Variants in MCCC1 observed in about 807,000 individuals in gnomAD.
MCCC1 encodes methylcrotonoyl-CoA carboxylase subunit alpha, mitochondrial.
Under a neutral mutation model 83.8 loss-of-function variants are expected in MCCC1, and 64 were observed. The ratio of observed to expected loss-of-function variants is 0.76; its 90% CI spans 0.62 to 0.94. MCCC1 has a LOEUF of 0.94. Ranked by LOEUF, MCCC1 falls within the 40% of genes least tolerant of loss-of-function variation. The pLI, the probability that MCCC1 is intolerant of heterozygous loss-of-function variation, is 0.00. For missense variants in MCCC1, 807 were observed against 904.7 expected, an observed-to-expected ratio of 0.89 and a Z score of 1.39; for synonymous variants, 322 against 315.4, an observed-to-expected ratio of 1.02 and a Z score of -0.22.
chr3:183,072,314 C>G, intron 5 of MCCC1, 52 bp downstream of exon 5: 1 of 1,606,646 alleles, frequency 6.2e-7, no homozygotes, highest in Non-Finnish European at 8.5e-7. Flanking sequence ...CTGGCCCAAA[C>G]TATTTCAACT....
At chr3:183,097,301 T>C (rs1411725465) in intron 1 of MCCC1, among the ~76,000 whole-genome samples, 1 of 152,192 alleles carries the variant, frequency 6.6e-6, no homozygotes, top group African/African-American at 2.4e-5. Context: ...TACCAGCTTA[T>C]TGTCATGTCT....
chr3:183,073,758 T>C (rs1716866183), intron 4 of MCCC1, among the ~76,000 whole-genome samples: 1 of 152,242 alleles, frequency 6.6e-6, no homozygotes, highest in African/African-American at 2.4e-5. Context: ...CATACATATT[T>C]TTTTCTTTCC....
Position 183,094,561 on chromosome 3 carries a change from G to A in MCCC1, c.134C>T (p.Thr45Ile), listed in dbSNP as rs1410294013. The A allele has an allele frequency of 6.2e-7, 1 of 1,613,968 alleles. No homozygotes were observed. The highest frequency in any genetic ancestry group is 1.3e-5 in the African/African-American group (1 of 74,918). ...AGAACAACAAAGTCTGTCAGTACCTGTGGCTGTTGTGTACTTCATGGTTCT... is the reference window on the plus strand; with the variant it reads ...AGAACAACAAAGTCTGTCAGTACCTATGGCTGTTGTGTACTTCATGGTTCT... The part of the protein sequence containing the change: ...RQRTMKYTTA[T>I]GRNITKVLIA... Residue 45 changes from threonine (T) to isoleucine (I), a missense_variant and splice_region_variant, in exon 2 of 19, where the codon ACA becomes ATA. By Grantham distance (89) the Thr-to-Ile change is moderately conservative. Coordinates refer to ENST00000265594, the MANE Select transcript of MCCC1 (RefSeq NM_020166.5).
At chr3:183,058,618 G>A (rs1715604544) in intron 7 of MCCC1, among the ~76,000 whole-genome samples, 1 of 152,084 alleles carries the variant, frequency 6.6e-6, no homozygotes, top group Non-Finnish European at 1.5e-5. Context: ...GATAAAGTCA[G>A]ACCCCATCTC....
intron 9 of MCCC1, among the ~76,000 whole-genome samples, chr3:183,048,271 TATTA>T (rs1184280591): frequency 1.3e-5 from 2 of 152,244 alleles, no homozygotes; most frequent in South Asian, 4.1e-4. Context: ...ATATGGTAAA[TATTA>T]ATCAAAGTAC....
At chr3:183,023,716 T>C (rs1026216302) in intron 15 of MCCC1, among the ~76,000 whole-genome samples, 4 of 152,228 alleles carry the variant, frequency 2.6e-5, no homozygotes, top group African/African-American at 9.6e-5. Flanking sequence ...CTGCAGGATT[T>C]GACATCTCTT....
intron 4 of MCCC1, among the ~76,000 whole-genome samples, chr3:183,074,900 T>A (rs559773933): frequency 6.6e-6 from 1 of 152,134 alleles, no homozygotes; most frequent in African/African-American, 2.4e-5. Context: ...CCCAGTGTCT[T>A]TTGTTTCCTT....
At chr3:183,102,489 A>G (rs1319312267), upstream of MCCC1, among the ~76,000 whole-genome samples, 5 of 152,206 alleles carry the variant, frequency 3.3e-5, no homozygotes, top group African/African-American at 1.2e-4. Flanking sequence ...AATTAATAAA[A>G]TGAATATTAA....
chr3:183,098,366 C>A (rs1718896825), intron 1 of MCCC1: 2 of 152,220 alleles, frequency 1.3e-5, no homozygotes, highest in Admixed American at 6.5e-5. Context: ...ATAGACTGAT[C>A]TTATGTACCA....
At chr3:183,085,630 TAAAAAA>T (rs57408690) in intron 4 of MCCC1, among the ~76,000 whole-genome samples, 3 of 103,296 alleles carry the variant, frequency 2.9e-5, no homozygotes, top group African/African-American at 1.1e-4. Flanking sequence ...ACCCTGTCTT[TAAAAAA>T]AAAAAAAAAA....
intron 14 of MCCC1, among the ~76,000 whole-genome samples, chr3:183,028,223 C>G (rs1474035882): frequency 6.6e-6 from 1 of 152,240 alleles, no homozygotes; most frequent in East Asian, 1.9e-4. Flanking sequence ...GACAGCACTT[C>G]TGTTTACATC....
At position 183,015,530 on chromosome 3, in the gene MCCC1, TC is replaced by T. The variant is rs772010858; in HGVS notation, c.2085del (p.Val697CysfsTer15). On this transcript the variant is annotated frameshift_variant, in exon 19 of 19. Transcript: ENST00000265594. LOFTEE classifies it low-confidence loss of function (END_TRUNC). ...TIKSPKDGTV[K>X]KVFYREGAQA... Reference sequence around the variant, plus strand: ...TGAGCACCTTCTCTGTAGAACACTTTCTTTACTGTGCCATCCTTTGGAGACT... The same window carrying T: ...TGAGCACCTTCTCTGTAGAACACTTTTTTACTGTGCCATCCTTTGGAGACT... The T allele has an allele frequency of 1.4e-5, 23 of 1,614,154 alleles. No individual in the cohort carries two copies. Among genetic ancestry groups the T allele is most frequent in the Non-Finnish European group, 1.9e-5 (23 of 1,180,000 alleles).
chr3:183,059,966 G>A (rs1013567536), intron 7 of MCCC1, among the ~76,000 whole-genome samples: 4 of 151,652 alleles, frequency 2.6e-5, no homozygotes, highest in African/African-American at 9.7e-5. Context: ...ATATATTTTG[G>A]TATTTATTCT....
intron 13 of MCCC1, among the ~76,000 whole-genome samples, chr3:183,035,925 T>C (rs1023488595): frequency 2.0e-5 from 3 of 151,678 alleles, no homozygotes; most frequent in Non-Finnish European, 4.4e-5. Flanking sequence ...GTGCTGCACC[T>C]ATTAACTCGT....
chr3:183,101,327 C>G (rs1039348282), upstream of MCCC1, among the ~76,000 whole-genome samples: 12 of 152,236 alleles, frequency 7.9e-5, no homozygotes, highest in Non-Finnish European at 1.8e-4. Flanking sequence ...CCTGCAGCCC[C>G]GGTGCGGGAT....
At chr3:183,031,167 C>T (rs1382820357) in intron 14 of MCCC1, among the ~76,000 whole-genome samples, 1 of 152,184 alleles carries the variant, frequency 6.6e-6, no homozygotes, top group Non-Finnish European at 1.5e-5. Flanking sequence ...TGGAAAATTA[C>T]TAATCTCTCT....
chr3:183,062,923 C>A (rs1394970581), intron 7 of MCCC1, among the ~76,000 whole-genome samples: 2 of 152,120 alleles, frequency 1.3e-5, no homozygotes, highest in Non-Finnish European at 2.9e-5. Context: ...CAGACAGATG[C>A]AGTTGAGTCC....
chr3:183,053,069 T>C (rs1349784915), intron 8 of MCCC1, among the ~76,000 whole-genome samples: 1 of 152,166 alleles, frequency 6.6e-6, no homozygotes, highest in Non-Finnish European at 1.5e-5. Flanking sequence ...TGAAAACTTT[T>C]ATTGGGACAA....
At chr3:183,033,054 G>A (rs1458700423) in intron 14 of MCCC1, among the ~76,000 whole-genome samples, 1 of 152,076 alleles carries the variant, frequency 6.6e-6, no homozygotes, top group Non-Finnish European at 1.5e-5. Flanking sequence ...CACATTCAAG[G>A]TTAGCCAGGA....
Sources: allele counts gnomAD v4.1 joint callset (sites outside exome capture counted in the v4.1 genomes callset), GRCh38; gene constraint gnomAD v4.1.1; transcripts MANE v1.5; gene names NCBI Gene and HGNC (gene_info 2026-07-23, HGNC 2026-07-21).